Variants in CASKIN2 observed in about 807,000 individuals in gnomAD.
The protein encoded by CASKIN2 is caskin-2.
Under a neutral mutation model 107.1 loss-of-function variants are expected in CASKIN2, and 41 were observed. The observed-to-expected ratio is 0.38, with a 90% CI of 0.30 to 0.50. The LOEUF (loss-of-function observed/expected upper bound fraction) is 0.50. Among genes scored for constraint, CASKIN2 ranks in the 20% least tolerant of loss-of-function variants. The pLI is 0.92. For missense variants in CASKIN2, 1,546 were observed against 1,657.4 expected (o/e 0.93, Z 1.17); for synonymous variants, 724 against 705.6 (o/e 1.03, Z -0.41).
In CASKIN2 at chr17:75,513,935, G is replaced by T; in HGVS notation, c.-131C>A. ...CCGGTTCCGGGGGAGCAAGTCAGGTGTCCCAGGCAGTGGGCTCCTCGTCAG... is the reference window on the plus strand; with the variant it reads ...CCGGTTCCGGGGGAGCAAGTCAGGTTTCCCAGGCAGTGGGCTCCTCGTCAG... On this transcript the variant is annotated 5_prime_UTR_variant, in exon 2 of 20. Coordinates refer to ENST00000321617, the MANE Select transcript of CASKIN2 (RefSeq NM_020753.5). The T allele has an allele frequency of 1.4e-6, 1 of 700,758 alleles. No individual in the cohort carries two copies. Among genetic ancestry groups the T allele is most frequent in the Non-Finnish European group, 2.5e-6 (1 of 405,556 alleles). 43.4% of individuals were successfully genotyped at this position (700,758 alleles called of 1,614,324 possible).
Position 75,502,374 on chromosome 17 carries a change from T to C in CASKIN2, c.2700A>G (p.Thr900=). ...CACTCAGTGTTCGCCTTCGGGGCCC[T>C]GTGGCCCCTTCCTTGGGCCCTGGGC... is the stretch of plus-strand genomic sequence containing the variant. ...DESPGPKEGA[T]GPRRRTLSEP... is the part of the protein sequence containing the mutation. The change falls in exon 18 of 20, where the codon ACA becomes ACG. Residue 900 remains threonine, a synonymous_variant. Coordinates refer to ENST00000321617, the MANE Select transcript of CASKIN2 (RefSeq NM_020753.5). The surrounding 1 kb of genome is among the most constrained non-coding windows in gnomAD (Gnocchi z 4.3). 2 of 1,467,322 alleles carry C rather than the reference T, an allele frequency of 1.4e-6. No individual in the cohort carries two copies. Among genetic ancestry groups the C allele is most frequent in the East Asian group, 4.8e-5 (2 of 41,318 alleles). The allele number at this position is 1,467,322 out of a possible 1,614,324, so 90.9% of individuals were successfully genotyped here.
intron 3 of CASKIN2, 200 bp from the exon 4 acceptor site, chr17:75,507,881 GTC>G: frequency 1.7e-6 from 1 of 583,134 alleles, no homozygotes; most frequent in Non-Finnish European, 3.1e-6. Context: ...AGGCCCGTTT[GTC>G]TCGCCCCCCC....
chr17:75,504,807 T>A lies in CASKIN2; in HGVS notation c.1192+5A>T. 1 of 1,607,376 alleles carries A rather than the reference T, an allele frequency of 6.2e-7. No homozygotes were observed. Among genetic ancestry groups the A allele is most frequent in the Non-Finnish European group, 8.5e-7 (1 of 1,177,298 alleles). On this transcript the variant is annotated splice_donor_5th_base_variant and intron_variant, in intron 11 of 19. Coordinates refer to ENST00000321617, the MANE Select transcript of CASKIN2 (RefSeq NM_020753.5). ...TGCCCAGCACTGCCCCCTGGGAGGA[T>A]GTACCTGGGCTGTCTGGGCTGAGGC...
Position 75,506,330 on chromosome 17 carries a change from G to A in CASKIN2, c.701C>T (p.Thr234Ile), listed in dbSNP as rs1381190125. ...ALHEAALYGK[T>I]EVVRLLLEGG... Reference sequence around the variant, plus strand: ...CTCCAGAAGCAGCCGCACCACCTCGGTCTTGCCATACAGTGCGGCCTCGTG... The same window carrying A: ...CTCCAGAAGCAGCCGCACCACCTCGATCTTGCCATACAGTGCGGCCTCGTG... The change falls in exon 8 of 20, where the codon ACC becomes ATC. Residue 234 changes from threonine to isoleucine, a missense_variant. This residue lies in a region of CASKIN2 where 62 missense variants were observed against 81.1 expected (regional missense o/e 0.76). Coordinates refer to ENST00000321617, the MANE Select transcript of CASKIN2 (RefSeq NM_020753.5). The surrounding 1 kb of genome is among the most constrained non-coding windows in gnomAD (Gnocchi z 4.8). The A allele has an allele frequency of 6.2e-7, 1 of 1,611,862 alleles. No individual in the cohort carries two copies. Among genetic ancestry groups the A allele is most frequent in the African/African-American group, 1.3e-5 (1 of 74,914 alleles).
At chr17:75,509,109 T>C (rs1411183438) in intron 2 of CASKIN2, among the ~76,000 whole-genome samples, 2 of 152,226 alleles carry the variant, frequency 1.3e-5, no homozygotes, top group Non-Finnish European at 2.9e-5. Context: ...GTCCATGCCC[T>C]GGACAAGGAC....
Position 75,501,491 on chromosome 17 carries a change from G to T in CASKIN2, c.3495C>A (p.Ser1165Arg). ...LAAALRAAEK[S>R]IGTKEQEGTP... Reference sequence around the variant, plus strand: ...ACCCCTCTTGCTCCTTGGTGCCAATGCTCTTCTCTGCGGCTCTCAGTGCAG... The same window carrying T: ...ACCCCTCTTGCTCCTTGGTGCCAATTCTCTTCTCTGCGGCTCTCAGTGCAG... Residue 1165 changes from serine to arginine, a missense_variant, in exon 19 of 20, where the codon AGC becomes AGA. Transcript: ENST00000321617. 1 of 1,611,530 alleles carries T rather than the reference G, an allele frequency of 6.2e-7. No individual in the cohort carries two copies.
intron 2 of CASKIN2, among the ~76,000 whole-genome samples, chr17:75,510,939 G>A (rs2053310993): frequency 1.3e-5 from 2 of 151,972 alleles, no homozygotes; most frequent in South Asian, 2.1e-4. Flanking sequence ...CCAGCATGGT[G>A]GCATTGCCTG....
rs755786453 is a variant in CASKIN2 at position 75,504,305 on chromosome 17, G to A, written c.1377C>T (p.Asp459=). Residue 459 remains aspartate, a splice_region_variant and synonymous_variant, in exon 14 of 20, where the codon GAC becomes GAT. Transcript: ENST00000321617. ...LPGLHPPSLA[D]NLSHRPLANC... The stretch of plus-strand genomic sequence containing the variant: ...TGGCCAGAGGGCGGTGGCTCAGGTT[G>A]TCTTCAAGGAGAGAGAAAAATGGAA... 6.8e-6 allele frequency: 11 copies of A among 1,607,388 alleles called. No individual in the cohort carries two copies. The highest frequency in any genetic ancestry group is 5.1e-5 in the Admixed American group (3 of 59,362).
rs1369172946 is a variant in CASKIN2 at position 75,503,742 on chromosome 17, C to G, written c.1597G>C (p.Val533Leu). The change falls in exon 16 of 20, where the codon GTG becomes CTG. Residue 533 changes from valine to leucine, a missense_variant. By Grantham distance (32) the Val-to-Leu change is conservative. Coordinates refer to ENST00000321617, the MANE Select transcript of CASKIN2 (RefSeq NM_020753.5). ...MTPEDLTAIG[V>L]TKPGHRKKIA... ...TTCTTCCTGTGCCCAGGCTTGGTCACCCCGATGGCCGTCAGGTCCTGCCAC... is the reference window on the plus strand; with the variant it reads ...TTCTTCCTGTGCCCAGGCTTGGTCAGCCCGATGGCCGTCAGGTCCTGCCAC... 6.2e-7 allele frequency: 1 copy of G among 1,612,416 alleles called. No individual in the cohort carries two copies. The highest frequency in any genetic ancestry group is 8.5e-7 in the Non-Finnish European group (1 of 1,179,980).
intron 2 of CASKIN2, among the ~76,000 whole-genome samples, chr17:75,510,898 C>T (rs1340567185): frequency 1.3e-5 from 2 of 151,900 alleles, no homozygotes; most frequent in Admixed American, 1.3e-4. Context: ...TCATGGCTGG[C>T]CCAGTCTGCA....
chr17:75,503,868 C>T lies in CASKIN2; in HGVS notation c.1562G>A (p.Ser521Asn). ...AGCACCCACCTCAGGTGTCATGCGG[C>T]TGATGGTAGGCACATCATAGCCGGC... Reference protein sequence around the residue: ...LQAGYDVPTISRMTPEDLTAI... With the variant: ...LQAGYDVPTINRMTPEDLTAI... The change falls in exon 15 of 20, where the codon AGC (serine) becomes AAC (asparagine). Residue 521 changes from serine to asparagine, a missense_variant. Ser to Asn is a conservative substitution (Grantham distance 46, BLOSUM62 1). Coordinates refer to ENST00000321617, the MANE Select transcript of CASKIN2 (RefSeq NM_020753.5). 6.2e-7 allele frequency: 1 copy of T among 1,612,776 alleles called. No individual in the cohort carries two copies. The highest frequency in any genetic ancestry group is 8.5e-7 in the Non-Finnish European group (1 of 1,179,928).
intron 18 of CASKIN2, 33 bp from the exon 19 acceptor site, chr17:75,501,723 G>C: frequency 6.5e-7 from 1 of 1,536,870 alleles, no homozygotes; most frequent in East Asian, 2.3e-5. Flanking sequence ...TTGGGACTTG[G>C]CTGGGTCAGA....
chr17:75,504,036 C>T, intron 14 of CASKIN2, 74 bp from the exon 15 acceptor site: 1 of 1,380,464 alleles, frequency 7.2e-7, no homozygotes, highest in Non-Finnish European at 1.0e-6. Flanking sequence ...GGGCTCAGGA[C>T]CTGCCTGAGC....
Position 75,504,896 on chromosome 17 carries a change from T to A in CASKIN2, c.1108A>T (p.Thr370Ser), listed in dbSNP as rs749682853. ...GGTTCTTCGGCAGGAGGCTGCGGTGTCCGGGAGAAGCCTGGGCGCAGGGGG... is the reference window on the plus strand; with the variant it reads ...GGTTCTTCGGCAGGAGGCTGCGGTGACCGGGAGAAGCCTGGGCGCAGGGGG... The part of the protein sequence containing the change: ...PTPLRPGFSR[T>S]PQPPAEEPPH... The change falls in exon 11 of 20, where the codon ACA (threonine) becomes TCA (serine). Residue 370 changes from threonine (T) to serine (S), a missense_variant. By Grantham distance (58) the Thr-to-Ser change is moderately conservative. This residue lies in a region of CASKIN2 where 1,311 missense variants were observed against 1,311.0 expected (regional missense o/e 1.00). Transcript: ENST00000321617. The A allele has an allele frequency of 1.1e-5, 15 of 1,320,342 alleles. No homozygotes were observed. Among genetic ancestry groups the A allele is most frequent in the African/African-American group, 1.6e-5 (1 of 63,776 alleles). The allele number at this position is 1,320,342 out of a possible 1,614,324, so 81.8% of individuals were successfully genotyped here.
Position 75,506,220 on chromosome 17 carries a change from C to A in CASKIN2, c.726+85G>T. On this transcript the variant is annotated intron_variant, in intron 8 of 19. Transcript: ENST00000321617. This position sits in a 1 kb window ranked among gnomAD's most constrained non-coding sequence, Gnocchi z 4.8. ...CCCATGCAAAAACCACGCTGGAGTC[C>A]TCCGTCCCGTACCTCCCCAGCCAGT... 8.2e-7 allele frequency: 1 copy of A among 1,219,694 alleles called. No homozygotes were observed. The allele number at this position is 1,219,694 out of a possible 1,614,324, so 75.6% of individuals were successfully genotyped here.
Position 75,513,693 on chromosome 17 carries a change from G to A in CASKIN2, c.94+18C>T, listed in dbSNP as rs566671211. ...AGCGCTCGGCCTCAGCGGGATGCTC[G>A]TCCCACCCGGTACTCACTTGTCTTT... is the stretch of plus-strand genomic sequence containing the variant. On this transcript the variant is annotated intron_variant, in intron 2 of 19. Transcript: ENST00000321617. 3.7e-6 allele frequency: 6 copies of A among 1,608,156 alleles called. No individual in the cohort carries two copies. Among genetic ancestry groups the A allele is most frequent in the South Asian group, 2.2e-5 (2 of 90,954 alleles).
At position 75,506,155 on chromosome 17, in the gene CASKIN2, T is replaced by A. The variant is rs796599996; in HGVS notation, c.726+150A>T. 8.0e-6 allele frequency: 6 copies of A among 745,892 alleles called. No individual in the cohort carries two copies. In the South Asian group the frequency reaches 1.1e-4, roughly 13 times the overall value. The allele number at this position is 745,892 out of a possible 1,614,324, so 46.2% of individuals were successfully genotyped here. ...CTGCCCCCGATCCATCTGCACCGCC[T>A]CGGCACCATTCAGAAGGAAGTCAGG... On this transcript the variant is annotated intron_variant, in intron 8 of 19. Transcript: ENST00000321617. The surrounding 1 kb of genome is among the most constrained non-coding windows in gnomAD (Gnocchi z 4.8).
Position 75,505,270 on chromosome 17 carries a change from G to C in CASKIN2, c.931-197C>G. The stretch of plus-strand genomic sequence containing the variant: ...AGCTCAATCTCCCCTGTGCCTCCAG[G>C]GCGAGCCCCAGTGGCAGCCCGTGGT... On this transcript the variant is annotated intron_variant, in intron 10 of 19. Coordinates refer to ENST00000321617, the MANE Select transcript of CASKIN2 (RefSeq NM_020753.5). The surrounding 1 kb of genome is among the most constrained non-coding windows in gnomAD (Gnocchi z 5.1). 1 of 679,256 alleles carries C rather than the reference G, an allele frequency of 1.5e-6. No homozygotes were observed. The highest frequency in any genetic ancestry group is 1.9e-5 in the South Asian group (1 of 53,818). 42.1% of individuals were successfully genotyped at this position (679,256 alleles called of 1,614,324 possible). A position where few individuals can be genotyped will look rare whatever the true frequency, so the allele number is the denominator to read the frequency against.
At position 75,504,633 on chromosome 17, in the gene CASKIN2, C is replaced by T. The variant is rs2053244314; in HGVS notation, c.1253G>A (p.Ser418Asn). 6.2e-7 allele frequency: 1 copy of T among 1,608,394 alleles called. No homozygotes were observed. Among genetic ancestry groups the T allele is most frequent in the African/African-American group, 1.3e-5 (1 of 74,860 alleles). ...GSVGSIRSAG[S>N]GQSSEGTNGH... is the part of the protein sequence containing the mutation. ...ATTAGTGCCCTCAGAGCTCTGCCCG[C>T]TGCCGGCACTGCGGATGCTGCCCAC... Residue 418 changes from serine to asparagine, a missense_variant, in exon 12 of 20, where the codon AGC (serine) becomes AAC (asparagine). Transcript: ENST00000321617.
Sources: allele counts gnomAD v4.1 joint callset (sites outside exome capture counted in the v4.1 genomes callset), GRCh38; gene constraint gnomAD v4.1.1; regional missense constraint gnomAD v4.1.1; non-coding constraint Gnocchi (gnomAD v3.1); transcripts MANE v1.5; gene names NCBI Gene and HGNC (gene_info 2026-07-23, HGNC 2026-07-21).